ATP9B: variants seen among roughly 807,000 people sequenced by gnomAD.
The protein encoded by ATP9B is probable phospholipid-transporting ATPase IIB.
In ATP9B, 110 loss-of-function variants were observed where a neutral mutation model predicts 146.1. The ratio of observed to expected loss-of-function variants is 0.75; its 90% confidence interval spans 0.65 to 0.88. ATP9B has a LOEUF of 0.88. Ranked by LOEUF, ATP9B falls within the 40% of genes least tolerant of loss-of-function variation. The pLI, the probability that ATP9B is intolerant of heterozygous loss-of-function variation, is 0.00. For missense variants in ATP9B, 1,499 were observed against 1,496.4 expected, an observed-to-expected ratio of 1.00 and a Z score of -0.03; for synonymous variants, 604 against 569.7, an observed-to-expected ratio of 1.06 and a Z score of -0.86.
At chr18:79,221,016 G>A (rs1391935581) in intron 11 of ATP9B, among the ~76,000 whole-genome samples, 1 of 152,176 alleles carries the variant, frequency 6.6e-6, no homozygotes, top group East Asian at 1.9e-4. Flanking sequence ...GGATATAATT[G>A]CCTTAAAAAT....
chr18:79,291,669 A>G (rs1218222449), intron 13 of ATP9B, among the ~76,000 whole-genome samples: 1 of 152,192 alleles, frequency 6.6e-6, no homozygotes, highest in Non-Finnish European at 1.5e-5. Context: ...AAACCCAAAA[A>G]CTTTATCATT....
chr18:79,185,732 C>T (rs186364257), intron 8 of ATP9B, among the ~76,000 whole-genome samples: 4 of 152,200 alleles, frequency 2.6e-5, no homozygotes, highest in African/African-American at 7.2e-5. Context: ...TAGCTTATGC[C>T]CGTAATCATC....
At chr18:79,268,589 A>G (rs2096226715) in intron 12 of ATP9B, among the ~76,000 whole-genome samples, 1 of 152,178 alleles carries the variant, frequency 6.6e-6, no homozygotes, top group African/African-American at 2.4e-5. Flanking sequence ...ATTTAACTTA[A>G]TTTGCTCCCT....
intron 13 of ATP9B, chr18:79,300,034 C>G (rs986200153): frequency 6.6e-6 from 1 of 152,274 alleles, no homozygotes; most frequent in Non-Finnish European, 1.5e-5. Context: ...AAGCAACGTA[C>G]TAGAATGAGG....
chr18:79,078,567 T>G (rs1599355143), intron 1 of ATP9B, among the ~76,000 whole-genome samples: 1 of 118,088 alleles, frequency 8.5e-6, no homozygotes, highest in East Asian at 3.0e-4. Flanking sequence ...TATTTACTCT[T>G]TTTTATTTTA....
chr18:79,092,630 TTTAC>T (rs1329365576), intron 1 of ATP9B, among the ~76,000 whole-genome samples: 2 of 151,274 alleles, frequency 1.3e-5, no homozygotes, highest in African/African-American at 2.4e-5. Context: ...AAAATTTATT[TTTAC>T]TTAAACTTTT....
At chr18:79,188,963 A>T (rs2095335953) in intron 8 of ATP9B, among the ~76,000 whole-genome samples, 1 of 151,884 alleles carries the variant, frequency 6.6e-6, no homozygotes, top group Admixed American at 6.6e-5. Flanking sequence ...AACTAGTTAC[A>T]GTATGCCTTT....
chr18:79,250,200 T>G (rs989420660), intron 11 of ATP9B, among the ~76,000 whole-genome samples: 1 of 152,242 alleles, frequency 6.6e-6, no homozygotes, highest in Admixed American at 6.5e-5. Context: ...AAGGAAACTT[T>G]GTATTCATTT....
chr18:79,099,063 G>T (rs1003654689), intron 2 of ATP9B, among the ~76,000 whole-genome samples: 8 of 151,856 alleles, frequency 5.3e-5, no homozygotes, highest in African/African-American at 1.9e-4. Flanking sequence ...CTCTTATTTT[G>T]TTTGACTTTA....
chr18:79,328,106 C>A, intron 15 of ATP9B, among the ~76,000 whole-genome samples: 1 of 150,066 alleles, frequency 6.7e-6, no homozygotes, highest in Non-Finnish European at 1.5e-5. Flanking sequence ...AGCGTGCTCT[C>A]TGTGGTTAGC....
At chr18:79,089,435 C>T (rs2074127572) in intron 1 of ATP9B, among the ~76,000 whole-genome samples, 1 of 152,174 alleles carries the variant, frequency 6.6e-6, no homozygotes, top group African/African-American at 2.4e-5. Context: ...CCTTGGCCCA[C>T]TGTGCACGTG....
At chr18:79,211,365 A>G (rs1425209940) in intron 10 of ATP9B, among the ~76,000 whole-genome samples, 1 of 152,212 alleles carries the variant, frequency 6.6e-6, no homozygotes, top group East Asian at 1.9e-4. Flanking sequence ...TAACAGAGTA[A>G]TTATTATCCC....
chr18:79,094,047 G>A (rs578029134), intron 1 of ATP9B, among the ~76,000 whole-genome samples: 13 of 152,214 alleles, frequency 8.5e-5, no homozygotes, highest in Non-Finnish European at 1.6e-4. Flanking sequence ...TTTGAAGAAT[G>A]TTTTAACAGT....
Position 79,307,262 on chromosome 18 carries a change from C to T in ATP9B, c.1773+28C>T, listed in dbSNP as rs777742715. The T allele has an allele frequency of 3.1e-6, 5 of 1,613,016 alleles. No homozygotes were observed. The South Asian group carries it at 3.3e-5, about 11-fold the overall frequency. On this transcript the variant is annotated intron_variant, in intron 15 of 29. Transcript: ENST00000426216. Reference sequence around the variant, plus strand: ...CAGTCAAAGCACAAAACCGTGGGAGCTTGTCCGTTCCATTTGGACTCCAGA... The same window carrying T: ...CAGTCAAAGCACAAAACCGTGGGAGTTTGTCCGTTCCATTTGGACTCCAGA...
Position 79,376,214 on chromosome 18 carries a change from C to CACAAAAAA in ATP9B, c.3307+789_3307+790insCAAAAAAA. 5.6e-4 allele frequency: 490 copies of CACAAAAAA among 870,060 alleles called. 3 individuals are homozygous for CACAAAAAA. Among genetic ancestry groups the CACAAAAAA allele is most frequent in the African/African-American group, 2.9e-3 (136 of 46,658 alleles). The allele number at this position is 870,060 out of a possible 1,614,324, so 53.9% of individuals were successfully genotyped here. A position where few individuals can be genotyped will look rare whatever the true frequency, so the allele number is the denominator to read the frequency against. ...ACACACACACACACACACACACACA[C>CACAAAAAA]AAAACAAAACAAAAAAATGGCTAGC... On this transcript the variant is annotated intron_variant, in intron 29 of 29. Transcript: ENST00000426216.
At chr18:79,361,841 T>A in intron 26 of ATP9B, 3 of 982,208 alleles carry the variant, frequency 3.1e-6, no homozygotes, top group Non-Finnish European at 3.6e-6. Context: ...CCGGTCAGTG[T>A]CAGTGGACAC....
chr18:79,122,473 T>C (rs1421588489), intron 4 of ATP9B, among the ~76,000 whole-genome samples: 3 of 152,212 alleles, frequency 2.0e-5, no homozygotes, highest in Non-Finnish European at 4.4e-5. Flanking sequence ...TACTGACGTA[T>C]CTTAAAACCA....
In ATP9B at chr18:79,306,975, A is replaced by G. The variant is rs781020307; in HGVS notation, c.1525-11A>G. The G allele has an allele frequency of 1.2e-6, 2 of 1,613,430 alleles. No homozygotes were observed. Among genetic ancestry groups the G allele is most frequent in the East Asian group, 2.2e-5 (1 of 44,884 alleles). On this transcript the variant is annotated splice_polypyrimidine_tract_variant and intron_variant, in intron 14 of 29. Transcript: ENST00000426216. ...TCTATCTTTAATTATGTGACGTTTC[A>G]TATTCTAAAGATGCAGTCTCAAGCT...
chr18:79,184,745 GATAAT>G (rs1252552992), intron 8 of ATP9B, among the ~76,000 whole-genome samples: 1 of 151,992 alleles, frequency 6.6e-6, no homozygotes, highest in Admixed American at 6.6e-5. Context: ...GAACTAAAGG[GATAAT>G]ATGAGTCCTT....
Sources: gnomAD v4.1 joint callset for allele counts (sites outside exome capture counted in the v4.1 genomes callset) on GRCh38, gnomAD v4.1.1 for gene constraint, MANE v1.5 for transcripts, NCBI Gene and HGNC (gene_info 2026-07-23, HGNC 2026-07-21) for gene names.